Variants in AKAP19 observed in about 807,000 individuals in gnomAD.
AKAP19 encodes A-kinase anchoring protein 19.
the AKAP19 span, among the ~76,000 whole-genome samples, chr2:189,986,802 T>C: frequency 6.6e-6 from 1 of 152,148 alleles, no homozygotes; most frequent in Non-Finnish European, 1.5e-5. Flanking sequence ...GATAAGACTA[T>C]GGCTCAAAAC....
chr2:189,951,636 A>G, the AKAP19 span, among the ~76,000 whole-genome samples: 7 of 152,330 alleles, frequency 4.6e-5, no homozygotes, highest in South Asian at 1.2e-3. Flanking sequence ...CACAATAGCC[A>G]TTACCTATTT....
chr2:190,156,911 A>C, the AKAP19 span, among the ~76,000 whole-genome samples: 2 of 152,164 alleles, frequency 1.3e-5, no homozygotes, highest in Non-Finnish European at 2.9e-5. Flanking sequence ...AAATAAAATC[A>C]CTACTAGGTA....
At chr2:190,119,131 GA>G in the AKAP19 span, among the ~76,000 whole-genome samples, 2 of 152,232 alleles carry the variant, frequency 1.3e-5, no homozygotes, top group Admixed American at 1.3e-4. Flanking sequence ...GCTTCAAAGA[GA>G]ACACCAGGGT....
the AKAP19 span, among the ~76,000 whole-genome samples, chr2:190,099,827 G>T: frequency 6.6e-6 from 1 of 152,172 alleles, no homozygotes; most frequent in Admixed American, 6.5e-5. Context: ...GAGCTGATGG[G>T]AATGAATCCT....
chr2:190,042,537 T>A, the AKAP19 span, among the ~76,000 whole-genome samples: 1 of 152,168 alleles, frequency 6.6e-6, no homozygotes, highest in Non-Finnish European at 1.5e-5. Context: ...ATTTTTGTTA[T>A]TTCTCGTCTT....
the AKAP19 span, among the ~76,000 whole-genome samples, chr2:189,993,478 C>T: frequency 6.6e-6 from 1 of 151,952 alleles, no homozygotes; most frequent in Non-Finnish European, 1.5e-5. Flanking sequence ...TCGTTATGTC[C>T]TTTTCTAGTT....
At chr2:189,917,162 A>T in the AKAP19 span, 1 of 549,350 alleles carries the variant, frequency 1.8e-6, no homozygotes, top group East Asian at 3.4e-5. Flanking sequence ...GATTTAAACA[A>T]AAGTTTTAAA....
the AKAP19 span, among the ~76,000 whole-genome samples, chr2:190,025,945 C>G: frequency 6.6e-6 from 1 of 152,164 alleles, no homozygotes; most frequent in South Asian, 2.1e-4. Context: ...TTTATATTTA[C>G]CCCAAGCAAG....
At chr2:190,060,039 T>C in the AKAP19 span, 8 of 1,604,894 alleles carry the variant, frequency 5.0e-6, no homozygotes, top group Middle Eastern at 1.7e-4. Context: ...GTTATTATAA[T>C]GTTATTTTCA....
chr2:190,038,200 C>T, the AKAP19 span, among the ~76,000 whole-genome samples: 2 of 152,326 alleles, frequency 1.3e-5, no homozygotes, highest in South Asian at 4.1e-4. Flanking sequence ...TTTTTGGAAG[C>T]ATTGTGCTGG....
chr2:189,975,104 T>C, the AKAP19 span, among the ~76,000 whole-genome samples: 5,216 of 152,320 alleles, frequency 0.034, 286 homozygotes, highest in African/African-American at 0.11. Flanking sequence ...GGCATGTTTT[T>C]GCAGTGGCTG....
At chr2:190,082,234 T>C in the AKAP19 span, among the ~76,000 whole-genome samples, 1 of 152,222 alleles carries the variant, frequency 6.6e-6, no homozygotes, top group Non-Finnish European at 1.5e-5. Context: ...TCTCCTTTCA[T>C]AAATATTCAT....
At chr2:190,063,130 A>T in the AKAP19 span, among the ~76,000 whole-genome samples, 1 of 152,112 alleles carries the variant, frequency 6.6e-6, no homozygotes, top group African/African-American at 2.4e-5. Flanking sequence ...TTAGGCAAGT[A>T]TTTGAAGTAG....
At chr2:190,167,002 C>A in the AKAP19 span, among the ~76,000 whole-genome samples, 2 of 152,084 alleles carry the variant, frequency 1.3e-5, no homozygotes, top group Admixed American at 1.3e-4. Context: ...AATTATAGAT[C>A]ATCTATTAGA....
the AKAP19 span, among the ~76,000 whole-genome samples, chr2:190,115,301 A>ATTT: frequency 1.7e-4 from 1 of 5,810 alleles, no homozygotes; most frequent in Non-Finnish European, 2.9e-4. Context: ...ATATATATAT[A>ATTT]TTTTTTTTTT....
chr2:189,974,113 A>C, the AKAP19 span, among the ~76,000 whole-genome samples: 1 of 152,138 alleles, frequency 6.6e-6, no homozygotes, highest in Non-Finnish European at 1.5e-5. Flanking sequence ...TCTTGTGGGC[A>C]TTTAGTGCTA....
At chr2:189,975,181 G>GA in the AKAP19 span, among the ~76,000 whole-genome samples, 1 of 152,018 alleles carries the variant, frequency 6.6e-6, no homozygotes, top group South Asian at 2.1e-4. Flanking sequence ...GCCTGGTGGT[G>GA]AAAAAATCTC....
chr2:189,926,879 G>A, the AKAP19 span, among the ~76,000 whole-genome samples: 4 of 151,648 alleles, frequency 2.6e-5, no homozygotes, highest in Non-Finnish European at 2.9e-5. Flanking sequence ...CACTGCGCCC[G>A]GCCTAATTAA....
the AKAP19 span, chr2:190,200,274 C>CTATT: frequency 4.0e-6 from 3 of 750,828 alleles, no homozygotes; most frequent in South Asian, 3.6e-5. Context: ...GATAATGTCA[C>CTATT]TATTATAAGA....
Sources: gnomAD v4.1 joint callset for allele counts (sites outside exome capture counted in the v4.1 genomes callset) on GRCh38, gnomAD v4.1.1 for gene constraint, MANE v1.5 for transcripts, NCBI Gene and HGNC (gene_info 2026-07-23, HGNC 2026-07-21) for gene names.